The following PHTF2 variants were observed in gnomAD, a reference collection of about 807,000 sequenced individuals.
PHTF2 encodes protein PHTF2.
In PHTF2, 60 loss-of-function variants were observed where a neutral mutation model predicts 101.2. The observed-to-expected ratio is 0.59, with a 90% CI of 0.48 to 0.73. The LOEUF is 0.73. PHTF2 is among the 30% of genes least tolerant of loss of function. The probability of loss-of-function intolerance (pLI) is 0.00; values close to 1 mark genes in which losing one functional copy is unlikely to be tolerated. For missense variants in PHTF2, 747 were observed against 908.7 expected (o/e 0.82, Z 2.29); for synonymous variants, 311 against 307.3 (o/e 1.01, Z -0.13).
intron 1 of PHTF2, among the ~76,000 whole-genome samples, chr7:77,831,094 G>T (rs529825709): frequency 2.0e-5 from 3 of 152,224 alleles, no homozygotes; most frequent in Non-Finnish European, 4.4e-5. Flanking sequence ...ATTGCAACAG[G>T]TGATTCACAT....
chr7:77,897,848 T>G (rs1801013225), intron 5 of PHTF2, among the ~76,000 whole-genome samples: 1 of 152,222 alleles, frequency 6.6e-6, no homozygotes, highest in African/African-American at 2.4e-5. Context: ...GCCTGACTAA[T>G]TTTTGTATTT....
intron 2 of PHTF2, among the ~76,000 whole-genome samples, chr7:77,851,799 GTTGT>G (rs1796783727): frequency 1.3e-5 from 2 of 151,536 alleles, no homozygotes; most frequent in Admixed American, 6.6e-5. Flanking sequence ...GCACTGTTAG[GTTGT>G]TTGAGTTTTT....
chr7:77,900,775 TA>T lies in PHTF2; in HGVS notation c.283del (p.Arg95GlufsTer17). On this transcript the variant is annotated frameshift_variant, in exon 6 of 20. Transcript: ENST00000416283. LOFTEE classifies it high-confidence loss of function. ...CCAGACCTCATAGATGTTGATCTTG[TA>T]AGAGGTGAGTCTGATAAATAAATGC... is the stretch of plus-strand genomic sequence containing the variant. 2 of 1,515,766 alleles carry T rather than the reference TA, an allele frequency of 1.3e-6. No individual in the cohort carries two copies. Among genetic ancestry groups the T allele is most frequent in the Non-Finnish European group, 1.8e-6 (2 of 1,090,584 alleles). 93.9% of individuals were successfully genotyped at this position (1,515,766 alleles called of 1,614,324 possible). A position where few individuals can be genotyped will look rare whatever the true frequency, so the allele number is the denominator to read the frequency against.
At chr7:77,842,679 A>T (rs1795983914) in intron 2 of PHTF2, among the ~76,000 whole-genome samples, 1 of 152,030 alleles carries the variant, frequency 6.6e-6, no homozygotes, top group Admixed American at 6.5e-5. Context: ...AAGTTCTCCC[A>T]CTCCTCATCC....
chr7:77,844,602 G>A (rs1220549645), intron 2 of PHTF2, among the ~76,000 whole-genome samples: 1 of 152,216 alleles, frequency 6.6e-6, no homozygotes. Context: ...TTGGCTCACA[G>A]CAACCTCTGC....
intron 1 of PHTF2, among the ~76,000 whole-genome samples, chr7:77,803,953 T>C (rs1180936907): frequency 6.6e-6 from 1 of 152,216 alleles, no homozygotes; most frequent in East Asian, 1.9e-4. Flanking sequence ...AAATAAGGTT[T>C]TGCTATTGGA....
chr7:77,802,400 CAAA>C (rs1373171919), intron 1 of PHTF2, among the ~76,000 whole-genome samples: 1 of 152,148 alleles, frequency 6.6e-6, no homozygotes, highest in East Asian at 1.9e-4. Flanking sequence ...AATTAAGACT[CAAA>C]GAAGAATTCC....
At chr7:77,902,067 T>TA (rs1458832859) in intron 7 of PHTF2, 147 bp downstream of exon 6, 3 of 420,106 alleles carry the variant, frequency 7.1e-6, no homozygotes, top group Non-Finnish European at 1.3e-5. Flanking sequence ...GTATTAAAAA[T>TA]ATTTGAGAAA....
intron 2 of PHTF2, among the ~76,000 whole-genome samples, chr7:77,842,070 A>T (rs1309345660): frequency 6.6e-6 from 1 of 152,196 alleles, no homozygotes; most frequent in Admixed American, 6.5e-5. Context: ...TAGCCCTGTA[A>T]TTGAAATGAC....
chr7:77,928,985 ACTATC>A, intron 11 of PHTF2, 119 bp from the exon 11 acceptor site: 1 of 629,862 alleles, frequency 1.6e-6, no homozygotes, highest in South Asian at 2.1e-5. Flanking sequence ...TTGCTGTCTC[ACTATC>A]TTTTGAGGGT....
chr7:77,831,283 A>G (rs1795057962), intron 1 of PHTF2, among the ~76,000 whole-genome samples: 1 of 152,280 alleles, frequency 6.6e-6, no homozygotes, highest in Non-Finnish European at 1.5e-5. Flanking sequence ...CCACCACTTC[A>G]TCAAGTGTGT....
At chr7:77,801,538 A>T (rs370868942) in intron 1 of PHTF2, among the ~76,000 whole-genome samples, 8 of 152,230 alleles carry the variant, frequency 5.3e-5, no homozygotes, top group East Asian at 3.9e-4. Flanking sequence ...GTGAGCCGAG[A>T]TCGCACCACT....
chr7:77,954,646 A>ATATATG lies in PHTF2; in HGVS notation c.2338-212_2338-211insTATATG, dbSNP rs567176874. 4.9e-5 allele frequency among the ~76,000 whole-genome samples: 7 copies of ATATATG among 142,936 alleles called. No homozygotes were observed. The South Asian group carries it at 6.5e-4, about 13-fold the overall frequency. 93.8% of individuals were successfully genotyped at this position (142,936 alleles called of 152,430 possible). A position where few individuals can be genotyped will look rare whatever the true frequency, so the allele number is the denominator to read the frequency against. ...TATATATATATATATATATATATAT[A>ATATATG]GCCACTTCTCAAGAGAAAGCAATAG... On this transcript the variant is annotated intron_variant, in intron 19 of 19. Coordinates refer to ENST00000416283, the Ensembl canonical transcript of PHTF2.
Position 77,954,634 on chromosome 7 carries a change from A to G in PHTF2, c.2338-224A>G, listed in dbSNP as rs200671465. 1.9e-4 allele frequency among the ~76,000 whole-genome samples: 28 copies of G among 145,470 alleles called. 1 individual carries two copies. In the East Asian group the frequency reaches 4.5e-3, roughly 24 times the overall value. ...TGTGTATATATATATATATATATAT[A>G]TATATATATATAGCCACTTCTCAAG... is the stretch of plus-strand genomic sequence containing the variant. On this transcript the variant is annotated intron_variant, in intron 19 of 19. Coordinates refer to ENST00000416283, the Ensembl canonical transcript of PHTF2.
At chr7:77,894,674 CAT>C (rs1357902506) in intron 5 of PHTF2, among the ~76,000 whole-genome samples, 4 of 152,100 alleles carry the variant, frequency 2.6e-5, no homozygotes, top group Admixed American at 1.3e-4. Context: ...CATAATTACA[CAT>C]GAGATAAATT....
At chr7:77,882,613 C>T (rs536003126) in intron 3 of PHTF2, among the ~76,000 whole-genome samples, 3 of 151,944 alleles carry the variant, frequency 2.0e-5, no homozygotes, top group Non-Finnish European at 1.5e-5. Context: ...AAGGTCTTCC[C>T]GAAATAACAC....
At chr7:77,956,647 G>A (rs1280236205) in exon 20 of PHTF2, 1 of 152,400 alleles carries the variant, frequency 6.6e-6, no homozygotes, top group African/African-American at 2.4e-5. Context: ...TAGGAATTAT[G>A]TTTTATAAAC....
At chr7:77,856,001 C>T (rs1457065194) in intron 3 of PHTF2, among the ~76,000 whole-genome samples, 1 of 152,094 alleles carries the variant, frequency 6.6e-6, no homozygotes, top group Non-Finnish European at 1.5e-5. Flanking sequence ...GTAGTTTGTT[C>T]AATTTGGTGT....
At chr7:77,805,721 TC>T (rs1665933652) in intron 1 of PHTF2, among the ~76,000 whole-genome samples, 1 of 152,240 alleles carries the variant, frequency 6.6e-6, no homozygotes, top group Non-Finnish European at 1.5e-5. Flanking sequence ...AGATATTTTT[TC>T]CTTAGTTCTA....
Sources: allele counts gnomAD v4.1 joint callset (sites outside exome capture counted in the v4.1 genomes callset), GRCh38; gene constraint gnomAD v4.1.1; transcripts MANE v1.5; gene names NCBI Gene and HGNC (gene_info 2026-07-23, HGNC 2026-07-21).